The following ESRRG variants were observed in gnomAD, a reference collection of about 807,000 sequenced individuals.
The protein encoded by ESRRG is estrogen related receptor gamma.
Under a neutral mutation model 44.0 loss-of-function variants are expected in ESRRG, and 13 were observed. The observed-to-expected ratio is 0.30, with a 90% confidence interval of 0.19 to 0.47. The LOEUF is 0.47. ESRRG is among the 20% of genes least tolerant of loss of function. The probability of loss-of-function intolerance (pLI) is 1.00; values close to 1 mark genes in which losing one functional copy is unlikely to be tolerated. For missense variants in ESRRG, 395 were observed against 580.6 expected, an observed-to-expected ratio of 0.68 and a Z score of 3.29; for synonymous variants, 215 against 214.6, an observed-to-expected ratio of 1.00 and a Z score of -0.02.
chr1:217,043,770 G>A (rs984958741), intron 1 of ESRRG, among the ~76,000 whole-genome samples: 44 of 152,134 alleles, frequency 2.9e-4, no homozygotes, highest in African/African-American at 1.0e-3. Context: ...ACAGGAACAA[G>A]TCAAAAACTA....
In ESRRG at chr1:216,506,928, G is replaced by A; in HGVS notation, c.*11C>T. The A allele has an allele frequency of 6.2e-7, 1 of 1,611,108 alleles. No homozygotes were observed. The highest frequency in any genetic ancestry group is 8.5e-7 in the Non-Finnish European group (1 of 1,178,282). ...CAACATGAAGGATGGGAAGGCCCAGGGAGCTTTTAGTCAGACCTTGGCCTC... is the reference window on the plus strand; with the variant it reads ...CAACATGAAGGATGGGAAGGCCCAGAGAGCTTTTAGTCAGACCTTGGCCTC... On this transcript the variant is annotated 3_prime_UTR_variant, in exon 7 of 7. Coordinates refer to ENST00000408911, the MANE Select transcript of ESRRG (RefSeq NM_001438.4).
intron 1 of ESRRG, among the ~76,000 whole-genome samples, chr1:217,104,406 C>G (rs962450180): frequency 2.0e-5 from 3 of 152,184 alleles, no homozygotes; most frequent in African/African-American, 7.2e-5. Context: ...ACCCATGAAG[C>G]CTGGATTCAG....
At chr1:216,858,997 A>G (rs950085865) in intron 2 of ESRRG, among the ~76,000 whole-genome samples, 1 of 152,206 alleles carries the variant, frequency 6.6e-6, no homozygotes, top group African/African-American at 2.4e-5. Context: ...GAATCAAATA[A>G]GTCCATGTAT....
In ESRRG at chr1:216,779,244, TTTATATTTATAA is replaced by T. The variant is rs2093759524; in HGVS notation, c.-13-101765_-13-101754del. 6.2e-5 allele frequency among the ~76,000 whole-genome samples: 4 copies of T among 64,010 alleles called. No homozygotes were observed. In the Admixed American group the frequency reaches 1.1e-3, roughly 17 times the overall value. 42.0% of individuals were successfully genotyped at this position (64,010 alleles called of 152,430 possible). A position where few individuals can be genotyped will look rare whatever the true frequency, so the allele number is the denominator to read the frequency against. ...TTATATTTATAAATATAAATATATA[TTTATATTTATAA>T]ATATAAATATATATTTATATTTATA... On this transcript the variant is annotated intron_variant, in intron 2 of 7. Coordinates refer to the ESRRG transcript ENST00000359162.
At chr1:216,623,114 G>A (rs1244099047) in intron 3 of ESRRG, among the ~76,000 whole-genome samples, 9 of 107,942 alleles carry the variant, frequency 8.3e-5, no homozygotes, top group East Asian at 2.9e-4. Flanking sequence ...ATGGAGTCTC[G>A]CTCTGTCACC....
intron 2 of ESRRG, among the ~76,000 whole-genome samples, chr1:216,735,205 G>C (rs886869676): frequency 4.0e-5 from 6 of 150,220 alleles, no homozygotes; most frequent in Non-Finnish European, 7.4e-5. Context: ...ACCATGCCCA[G>C]CCTCATTGTT....
At chr1:216,561,768 C>T (rs1447059522) in intron 5 of ESRRG, among the ~76,000 whole-genome samples, 1 of 152,174 alleles carries the variant, frequency 6.6e-6, no homozygotes, top group East Asian at 1.9e-4. Flanking sequence ...CCAAGATATT[C>T]CTTGCAATCA....
At chr1:216,797,333 C>T (rs565008210) in intron 2 of ESRRG, among the ~76,000 whole-genome samples, 6 of 152,222 alleles carry the variant, frequency 3.9e-5, no homozygotes, top group East Asian at 1.9e-4. Context: ...AGGATCCCAC[C>T]GAGGATGAGG....
intron 6 of ESRRG, among the ~76,000 whole-genome samples, chr1:216,513,420 A>G (rs1219363799): frequency 6.6e-6 from 1 of 152,120 alleles, no homozygotes; most frequent in African/African-American, 2.4e-5. Flanking sequence ...AGTAATAATA[A>G]TTCTGATTTT....
intron 2 of ESRRG, among the ~76,000 whole-genome samples, chr1:216,665,391 T>C (rs1031794363): frequency 3.3e-5 from 5 of 152,128 alleles, no homozygotes; most frequent in Non-Finnish European, 5.9e-5. Context: ...TCATGCACAA[T>C]GACATGAATG....
intron 2 of ESRRG, among the ~76,000 whole-genome samples, chr1:216,897,111 T>C (rs1466370413): frequency 6.6e-6 from 1 of 152,152 alleles, no homozygotes; most frequent in Non-Finnish European, 1.5e-5. Context: ...GATCAGCCGT[T>C]GTGAAGAGCA....
chr1:216,827,393 G>A (rs2095415522), intron 2 of ESRRG, among the ~76,000 whole-genome samples: 1 of 152,094 alleles, frequency 6.6e-6, no homozygotes, highest in East Asian at 1.9e-4. Context: ...TTTGTCTTCT[G>A]ATTTCTAGCA....
At chr1:216,786,383 T>C (rs2094128200) in intron 2 of ESRRG, among the ~76,000 whole-genome samples, 1 of 152,138 alleles carries the variant, frequency 6.6e-6, no homozygotes, top group Admixed American at 6.6e-5. Context: ...GTACATGTAA[T>C]GGCAAATAAT....
chr1:217,058,350 T>C (rs1415635747), intron 1 of ESRRG, among the ~76,000 whole-genome samples: 1 of 152,168 alleles, frequency 6.6e-6, no homozygotes, highest in Non-Finnish European at 1.5e-5. Flanking sequence ...AACAAATTGT[T>C]ATGAATATGG....
chr1:217,051,402 T>C lies in ESRRG; in HGVS notation c.-106+38105A>G, dbSNP rs376102402. Among the ~76,000 whole-genome samples, 28 of 152,270 alleles carry C rather than the reference T, an allele frequency of 1.8e-4. 1 individual carries two copies. In the South Asian group the frequency reaches 4.8e-3, roughly 26 times the overall value. On this transcript the variant is annotated intron_variant, in intron 1 of 7. Coordinates refer to the ESRRG transcript ENST00000359162. ...CTACTGTTCAGGTTCACACGCACCT[T>C]CTAATTATAAGAAACAGGCTTCTTG...
At chr1:216,771,738 G>A (rs145575666) in intron 2 of ESRRG, among the ~76,000 whole-genome samples, 1 of 151,226 alleles carries the variant, frequency 6.6e-6, no homozygotes, top group African/African-American at 2.4e-5. Flanking sequence ...CTGTACTGTG[G>A]TATTATTTTT....
intron 1 of ESRRG, among the ~76,000 whole-genome samples, chr1:217,029,762 T>C (rs1560527802): frequency 6.6e-6 from 1 of 152,132 alleles, no homozygotes; most frequent in Non-Finnish European, 1.5e-5. Context: ...TTCCTATTCA[T>C]AACATTCTTT....
At position 217,113,594 on chromosome 1, in the gene ESRRG, G is replaced by C. The variant is rs1340182173; in HGVS notation, c.-230+24073C>G. ...AATAGAAAGAGACTTTTGGGGGCTT[G>C]GGAGGGACCATTTTTCACTTGGGAA... On this transcript the variant is annotated intron_variant, in intron 1 of 8. Coordinates refer to the ESRRG transcript ENST00000366940. Among the ~76,000 whole-genome samples the C allele has an allele frequency of 2.7e-5, 3 of 110,558 alleles. No individual in the cohort carries two copies. In the East Asian group the frequency reaches 6.4e-4, roughly 24 times the overall value. The allele number at this position is 110,558 out of a possible 152,430, so 72.5% of individuals were successfully genotyped here. A position where few individuals can be genotyped will look rare whatever the true frequency, so the allele number is the denominator to read the frequency against.
chr1:216,984,444 C>T (rs964257419), intron 1 of ESRRG, among the ~76,000 whole-genome samples: 7 of 152,158 alleles, frequency 4.6e-5, no homozygotes, highest in African/African-American at 1.7e-4. Flanking sequence ...TCTAACATCT[C>T]CAATATGGAA....
Sources: gnomAD v4.1 joint callset for allele counts (sites outside exome capture counted in the v4.1 genomes callset) on GRCh38, gnomAD v4.1.1 for gene constraint, MANE v1.5 for transcripts, NCBI Gene and HGNC (gene_info 2026-07-23, HGNC 2026-07-21) for gene names.